The following COPS4 variants were observed in gnomAD, a reference collection of about 807,000 sequenced individuals.
COPS4 encodes COP9 signalosome complex subunit 4.
COPS4 carries 8 observed loss-of-function variants against 55.1 expected under a neutral mutation model. That is an observed-to-expected ratio of 0.15 (90% confidence interval 0.09 to 0.26). The LOEUF is 0.26. Among genes scored for constraint, COPS4 ranks in the 10% least tolerant of loss-of-function variants. The pLI is 1.00. For missense variants in COPS4, 248 were observed against 484.0 expected, an observed-to-expected ratio of 0.51 and a Z score of 4.58; for synonymous variants, 185 against 165.7, an observed-to-expected ratio of 1.12 and a Z score of -0.90.
intron 7 of COPS4, among the ~76,000 whole-genome samples, chr4:83,064,067 G>A (rs1331678349): frequency 6.6e-6 from 1 of 152,130 alleles, no homozygotes; most frequent in South Asian, 2.1e-4. Context: ...TGGGCATGGT[G>A]GCTCATGCCT....
intron 9 of COPS4, chr4:83,073,102 A>G (rs907623695): frequency 4.6e-5 from 22 of 482,612 alleles, no homozygotes; most frequent in East Asian, 1.8e-4. Flanking sequence ...TATATTTACA[A>G]TGTTGTACAA....
intron 2 of COPS4, among the ~76,000 whole-genome samples, chr4:83,048,323 A>G (rs1730772452): frequency 6.6e-6 from 1 of 152,224 alleles, no homozygotes. Flanking sequence ...GTAAATGTTT[A>G]TAAATAATGT....
chr4:83,067,524 C>CTT (rs34638314), intron 8 of COPS4, among the ~76,000 whole-genome samples: 19 of 129,800 alleles, frequency 1.5e-4, no homozygotes, highest in African/African-American at 4.5e-4. Context: ...ACGCCCAGCC[C>CTT]TTTTTTTTTT....
chr4:83,066,484 T>C lies in COPS4; in HGVS notation c.933T>C (p.Ser311=). The C allele has an allele frequency of 6.2e-7, 1 of 1,601,766 alleles. No homozygotes were observed. Among genetic ancestry groups the C allele is most frequent in the East Asian group, 2.3e-5 (1 of 44,442 alleles). ...DRAVIEHNLL[S]ASKLYNNITF... ...CTGTTATTGAACACAATTTGTTGTC[T>C]GCAAGCAAATTATATAATAATATTA... is the stretch of plus-strand genomic sequence containing the variant. Residue 311 remains serine, a synonymous_variant, in exon 8 of 10, where the codon TCT becomes TCC. Coordinates refer to ENST00000264389, the MANE Select transcript of COPS4 (RefSeq NM_016129.3).
intron 1 of COPS4, among the ~76,000 whole-genome samples, chr4:83,042,975 C>T (rs944711593): frequency 2.7e-5 from 4 of 149,124 alleles, no homozygotes; most frequent in Non-Finnish European, 5.9e-5. Flanking sequence ...GTCTTGAACT[C>T]CTGGACTCAA....
chr4:83,058,549 T>C (rs1447649638), intron 6 of COPS4, among the ~76,000 whole-genome samples: 2 of 152,218 alleles, frequency 1.3e-5, no homozygotes, highest in Non-Finnish European at 2.9e-5. Context: ...AGTTATCTTA[T>C]TTATTTTATT....
In COPS4 at chr4:83,062,968, G is replaced by A. The variant is rs559219914; in HGVS notation, c.716-108G>A. The A allele has an allele frequency of 1.2e-4, 108 of 880,728 alleles. 1 individual carries two copies. In the South Asian group the frequency reaches 2.0e-3, roughly 16 times the overall value. 54.6% of individuals were successfully genotyped at this position (880,728 alleles called of 1,614,324 possible). On this transcript the variant is annotated intron_variant, in intron 6 of 9. Transcript: ENST00000264389. ...TAATTACCATGAATAATGAATACTG[G>A]CTGTATATTTAGTAGACAAAAATGA...
intron 6 of COPS4, among the ~76,000 whole-genome samples, chr4:83,060,606 G>A (rs946449052): frequency 6.6e-6 from 1 of 151,654 alleles, no homozygotes; most frequent in Non-Finnish European, 1.5e-5. Context: ...GTGCCCGGCC[G>A]ACAGATGGTA....
At chr4:83,068,018 T>C (rs1010188505) in intron 8 of COPS4, among the ~76,000 whole-genome samples, 1 of 152,216 alleles carries the variant, frequency 6.6e-6, no homozygotes, top group African/African-American at 2.4e-5. Flanking sequence ...TTAAACCCTT[T>C]CAATTTCTTT....
chr4:83,047,777 G>T (rs1403391229), intron 2 of COPS4, among the ~76,000 whole-genome samples: 2 of 152,146 alleles, frequency 1.3e-5, no homozygotes, highest in African/African-American at 2.4e-5. Context: ...GAGATGGGCG[G>T]ATCACGAGGT....
At chr4:83,060,372 G>A (rs1297279016) in intron 6 of COPS4, among the ~76,000 whole-genome samples, 4 of 148,564 alleles carry the variant, frequency 2.7e-5, no homozygotes, top group East Asian at 2.0e-4. Flanking sequence ...TTTTTGAGAC[G>A]GAATCTTCCT....
At chr4:83,066,678 A>G in intron 8 of COPS4, 125 bp downstream of exon 8, 1 of 577,100 alleles carries the variant, frequency 1.7e-6, no homozygotes, top group Admixed American at 3.6e-5. Flanking sequence ...TGTTGGAAAC[A>G]ACAACAGAAT....
chr4:83,057,108 TTTGTA>T, intron 5 of COPS4, 29 bp downstream of exon 5: 3 of 1,591,894 alleles, frequency 1.9e-6, no homozygotes, highest in Non-Finnish European at 2.6e-6. Context: ...TGGAATTACT[TTTGTA>T]TTGGAGAATT....
intron 9 of COPS4, 106 bp downstream of exon 9, chr4:83,068,628 G>C: frequency 1.4e-6 from 1 of 696,276 alleles, no homozygotes; most frequent in Non-Finnish European, 2.5e-6. Flanking sequence ...CTTACTACTG[G>C]AATGAGCTTA....
intron 6 of COPS4, among the ~76,000 whole-genome samples, chr4:83,058,844 G>T (rs1331089228): frequency 6.6e-6 from 1 of 152,104 alleles, no homozygotes; most frequent in Non-Finnish European, 1.5e-5. Context: ...TAACTTTCTG[G>T]ATCCAAAGGT....
At chr4:83,054,882 A>ATCAG (rs1730978254) in intron 4 of COPS4, among the ~76,000 whole-genome samples, 1 of 152,230 alleles carries the variant, frequency 6.6e-6, no homozygotes, top group Non-Finnish European at 1.5e-5. Flanking sequence ...TTCTTTCAAA[A>ATCAG]AATGATTCAT....
At chr4:83,043,708 A>G (rs1284575783) in intron 1 of COPS4, among the ~76,000 whole-genome samples, 2 of 152,126 alleles carry the variant, frequency 1.3e-5, no homozygotes, top group Non-Finnish European at 2.9e-5. Flanking sequence ...AAAAAAATAA[A>G]AAATAACAAA....
rs180929873 is a variant in COPS4 at position 83,050,196 on chromosome 4, A to C, written c.410+212A>C. 5.9e-3 allele frequency among the ~76,000 whole-genome samples: 895 copies of C among 152,270 alleles called. 3 individuals are homozygous for C. Among genetic ancestry groups the C allele is most frequent in the South Asian group, 0.01 (50 of 4,820 alleles). On this transcript the variant is annotated intron_variant, in intron 4 of 9. Coordinates refer to ENST00000264389, the MANE Select transcript of COPS4 (RefSeq NM_016129.3). ...ATTTAAATAGGGTGATTGGGGTAGT[A>C]GGGTGGCCCTGATGTCACTTTATCA...
intron 9 of COPS4, among the ~76,000 whole-genome samples, chr4:83,070,355 GC>G (rs1210703596): frequency 2.0e-5 from 3 of 152,104 alleles, no homozygotes; most frequent in African/African-American, 7.2e-5. Context: ...CTAAGTCCCA[GC>G]CCCATGGTTC....
Sources: allele counts gnomAD v4.1 joint callset (sites outside exome capture counted in the v4.1 genomes callset), GRCh38; gene constraint gnomAD v4.1.1; transcripts MANE v1.5; gene names NCBI Gene and HGNC (gene_info 2026-07-23, HGNC 2026-07-21).